Variants in APTX observed in about 807,000 individuals in gnomAD.
APTX encodes aprataxin.
In APTX, 33 loss-of-function variants were observed where a neutral mutation model predicts 42.3. The observed-to-expected ratio is 0.78, with a 90% confidence interval of 0.59 to 1.04. The LOEUF (loss-of-function observed/expected upper bound fraction) is 1.04, where lower values mean the gene tolerates loss of function less well. Among genes scored for constraint, APTX ranks in the 50% least tolerant of loss-of-function variants. The pLI, the probability that APTX is intolerant of heterozygous loss-of-function variation, is 0.00. For synonymous variants in APTX, 130 were observed against 146.7 expected (o/e 0.89, Z 0.82); for missense variants, 421 against 415.1 (o/e 1.01, Z -0.12).
chr9:32,995,333 A>G, intron 1 of APTX, among the ~76,000 whole-genome samples: 1 of 152,228 alleles, frequency 6.6e-6, no homozygotes, highest in East Asian at 1.9e-4. Context: ...ATATTAACAT[A>G]AACAGGAGTT....
chr9:33,006,214 A>G (rs1398403516), upstream of APTX, among the ~76,000 whole-genome samples: 1 of 152,076 alleles, frequency 6.6e-6, no homozygotes, highest in Admixed American at 6.6e-5. Flanking sequence ...TGAGGCCAGG[A>G]GTTCAAGATC....
At chr9:33,017,618 C>T (rs1246266164) in intron 1 of APTX, among the ~76,000 whole-genome samples, 3 of 152,064 alleles carry the variant, frequency 2.0e-5, no homozygotes, top group Non-Finnish European at 4.4e-5. Flanking sequence ...GTTCTCACAA[C>T]CGCCTTAGAG....
chr9:33,001,403 C>A, intron 1 of APTX, 164 bp downstream of exon 1: 1 of 1,535,076 alleles, frequency 6.5e-7, no homozygotes, highest in Non-Finnish European at 8.7e-7. Context: ...CTGAAACAGC[C>A]CAAGGTAGTA....
chr9:33,019,322 A>T (rs1368373994), intron 1 of APTX, among the ~76,000 whole-genome samples: 1 of 152,232 alleles, frequency 6.6e-6, no homozygotes, highest in African/African-American at 2.4e-5. Context: ...GAACCACAAC[A>T]AATTGGTGCT....
rs114322292 is a variant in APTX, at chr9:32,990,021, A to G, written c.-4-126T>C. On this transcript the variant is annotated intron_variant, in intron 1 of 7. Transcript: ENST00000379817. ...TCATCTTGAGGCAAGTGACTTCACCACCCTAGTCTCAATTTCCTCACCTAT... is the reference window on the plus strand; with the variant it reads ...TCATCTTGAGGCAAGTGACTTCACCGCCCTAGTCTCAATTTCCTCACCTAT... The G allele has an allele frequency of 3.0e-5, 35 of 1,183,260 alleles. No homozygotes were observed. The African/African-American group carries it at 4.4e-4, about 15-fold the overall frequency. 73.3% of individuals were successfully genotyped at this position (1,183,260 alleles called of 1,614,324 possible). A position where few individuals can be genotyped will look rare whatever the true frequency, so the allele number is the denominator to read the frequency against.
intron 1 of APTX, among the ~76,000 whole-genome samples, chr9:33,013,057 TACTC>T (rs1165619642): frequency 3.9e-5 from 6 of 152,218 alleles, no homozygotes; most frequent in East Asian, 3.9e-4. Context: ...ATATAGTAGG[TACTC>T]AATCAATATT....
Position 32,975,237 on chromosome 9 carries a change from G to A in APTX, c.771-676C>T, listed in dbSNP as rs555199137. 2.0e-5 allele frequency among the ~76,000 whole-genome samples: 3 copies of A among 152,242 alleles called. No individual in the cohort carries two copies. The East Asian group carries it at 5.8e-4, about 29-fold the overall frequency. Reference sequence around the variant, plus strand: ...ATAAAGCCTCTTAAAGGTGACAAAGGGTTTGCATTCTATTCTGAATCTACT... The same window carrying A: ...ATAAAGCCTCTTAAAGGTGACAAAGAGTTTGCATTCTATTCTGAATCTACT... On this transcript the variant is annotated intron_variant, in intron 6 of 7. Transcript: ENST00000379817.
intron 1 of APTX, among the ~76,000 whole-genome samples, chr9:33,021,969 A>AG (rs1564007570): frequency 6.6e-6 from 1 of 151,836 alleles, no homozygotes; most frequent in African/African-American, 2.4e-5. Context: ...TTAAAAAAAA[A>AG]AAAAAAAAAG....
At chr9:32,985,195 C>T (rs1831638539) in intron 5 of APTX, among the ~76,000 whole-genome samples, 1 of 152,248 alleles carries the variant, frequency 6.6e-6, no homozygotes, top group Non-Finnish European at 1.5e-5. Context: ...TCAAAAGCAT[C>T]CTTCTCCACT....
intron 1 of APTX, chr9:33,019,832 C>T: frequency 3.1e-6 from 2 of 643,556 alleles, no homozygotes; most frequent in South Asian, 2.0e-5. Context: ...CAGGATCCTG[C>T]CGCTCACTGT....
chr9:32,985,326 GTTT>G (rs5897530), intron 5 of APTX, among the ~76,000 whole-genome samples: 3,438 of 102,434 alleles, frequency 0.034, 17 homozygotes, highest in East Asian at 0.11. Flanking sequence ...GATGATGCCT[GTTT>G]TTTTTTTTTT....
intron 6 of APTX, among the ~76,000 whole-genome samples, chr9:32,983,587 C>T (rs1831202232): frequency 6.6e-6 from 1 of 151,934 alleles, no homozygotes; most frequent in African/African-American, 2.4e-5. Flanking sequence ...GTTCAAGTGG[C>T]CAGTAACCTA....
intron 1 of APTX, chr9:33,001,340 G>A (rs1468078451): frequency 1.3e-6 from 2 of 1,525,552 alleles, no homozygotes; most frequent in South Asian, 2.4e-5. Flanking sequence ...TACAGGTGTC[G>A]GGAGCACACG....
At chr9:33,018,152 C>T (rs1838053472) in intron 1 of APTX, among the ~76,000 whole-genome samples, 1 of 150,764 alleles carries the variant, frequency 6.6e-6, no homozygotes, top group Non-Finnish European at 1.5e-5. Context: ...ACTCTGTCAC[C>T]CAGGCTGGAG....
At chr9:33,006,020 T>TC (rs1300965663), upstream of APTX, among the ~76,000 whole-genome samples, 1 of 150,476 alleles carries the variant, frequency 6.6e-6, no homozygotes, top group African/African-American at 2.4e-5. Context: ...AGAACTTTAT[T>TC]CTTTTTTTTT....
intron 1 of APTX, among the ~76,000 whole-genome samples, chr9:33,018,317 T>C (rs1001601843): frequency 1.3e-5 from 2 of 151,790 alleles, no homozygotes; most frequent in African/African-American, 4.8e-5. Context: ...TCACCATCTC[T>C]ACTACGATGG....
At chr9:32,976,507 C>T (rs577860535) in intron 6 of APTX, among the ~76,000 whole-genome samples, 24 of 152,278 alleles carry the variant, frequency 1.6e-4, no homozygotes, top group Admixed American at 3.3e-4. Context: ...ATCTATCAAC[C>T]TCCATATGAA....
chr9:33,011,758 C>G (rs566548721), intron 1 of APTX, among the ~76,000 whole-genome samples: 16 of 152,308 alleles, frequency 1.1e-4, no homozygotes, highest in African/African-American at 3.4e-4. Context: ...AAGCCAGACA[C>G]AGCCCTTCCC....
intron 1 of APTX, 49 bp from the exon 2 acceptor site, chr9:32,989,944 G>T (rs536712553): frequency 6.3e-7 from 1 of 1,582,202 alleles, no homozygotes. Flanking sequence ...CCACTAGCAC[G>T]AGTCCTCCAG....
Sources: allele counts gnomAD v4.1 joint callset (sites outside exome capture counted in the v4.1 genomes callset), GRCh38; gene constraint gnomAD v4.1.1; transcripts MANE v1.5; gene names NCBI Gene and HGNC (gene_info 2026-07-23, HGNC 2026-07-21).